The following MAP3K7 variants were observed in gnomAD, a reference collection of about 807,000 sequenced individuals.
The protein encoded by MAP3K7 is mitogen-activated protein kinase kinase kinase 7.
MAP3K7 carries 21 observed loss-of-function variants against 84.8 expected under a neutral mutation model. That is an observed-to-expected ratio of 0.25 (90% confidence interval 0.18 to 0.36). MAP3K7 has a LOEUF of 0.36. MAP3K7 is among the 10% of genes least tolerant of loss of function. The pLI is 1.00. For missense variants in MAP3K7, 503 were observed against 747.7 expected, an observed-to-expected ratio of 0.67 and a Z score of 3.82; for synonymous variants, 241 against 247.7, an observed-to-expected ratio of 0.97 and a Z score of 0.25.
intron 12 of MAP3K7, among the ~76,000 whole-genome samples, chr6:90,540,739 C>G (rs1277280637): frequency 6.6e-6 from 1 of 151,914 alleles, no homozygotes; most frequent in African/African-American, 2.4e-5. Flanking sequence ...ATTACTGATG[C>G]TACAAGCATG....
chr6:90,560,544 T>C (rs960385391), intron 4 of MAP3K7, among the ~76,000 whole-genome samples: 1 of 152,134 alleles, frequency 6.6e-6, no homozygotes, highest in African/African-American at 2.4e-5. Flanking sequence ...GTATTTTTAG[T>C]AGAGATAGGG....
chr6:90,533,773 C>G (rs576149618), intron 13 of MAP3K7, among the ~76,000 whole-genome samples: 6 of 152,270 alleles, frequency 3.9e-5, no homozygotes, highest in African/African-American at 1.4e-4. Flanking sequence ...GCTGTGACAG[C>G]CAGCCGTTGA....
At chr6:90,527,238 T>G (rs1397750116) in intron 13 of MAP3K7, among the ~76,000 whole-genome samples, 2 of 152,092 alleles carry the variant, frequency 1.3e-5, no homozygotes, top group Non-Finnish European at 2.9e-5. Flanking sequence ...TTAAATTCCA[T>G]GTATGAGAAG....
intron 6 of MAP3K7, among the ~76,000 whole-genome samples, chr6:90,554,434 C>T (rs1776273266): frequency 6.6e-6 from 1 of 152,194 alleles, no homozygotes; most frequent in African/African-American, 2.4e-5. Context: ...GTGGTTGAAT[C>T]AGCCAGCACA....
intron 2 of MAP3K7, among the ~76,000 whole-genome samples, 169 bp downstream of exon 2, chr6:90,571,528 G>C (rs1339040395): frequency 6.6e-6 from 1 of 151,970 alleles, no homozygotes; most frequent in Non-Finnish European, 1.5e-5. Flanking sequence ...TCAGAATTAA[G>C]AGTATGAACG....
chr6:90,580,256 A>G (rs1025708217), intron 1 of MAP3K7, among the ~76,000 whole-genome samples: 31 of 152,206 alleles, frequency 2.0e-4, no homozygotes, highest in African/African-American at 5.8e-4. Flanking sequence ...CATATGGTAG[A>G]TCAACAGAAA....
intron 4 of MAP3K7, 53 bp from the exon 5 acceptor site, chr6:90,560,267 C>T: frequency 1.3e-6 from 2 of 1,597,956 alleles, no homozygotes; most frequent in Non-Finnish European, 1.7e-6. Context: ...TAACAAAAGA[C>T]ACAATGTGAA....
intron 1 of MAP3K7, among the ~76,000 whole-genome samples, chr6:90,573,551 A>C (rs1246178592): frequency 6.6e-6 from 1 of 152,260 alleles, no homozygotes; most frequent in Non-Finnish European, 1.5e-5. Context: ...AAAGCTACTC[A>C]AATGGTTAAC....
intron 2 of MAP3K7, among the ~76,000 whole-genome samples, chr6:90,570,205 A>G (rs1776854617): frequency 6.6e-6 from 1 of 152,230 alleles, no homozygotes; most frequent in Non-Finnish European, 1.5e-5. Flanking sequence ...AAGAGAATGC[A>G]AAGTGCACAA....
At chr6:90,533,045 T>A (rs773760313) in intron 13 of MAP3K7, among the ~76,000 whole-genome samples, 1 of 152,186 alleles carries the variant, frequency 6.6e-6, no homozygotes, top group Non-Finnish European at 1.5e-5. Flanking sequence ...CTTAGGTCAG[T>A]TTCTCTCATC....
In MAP3K7 at chr6:90,568,467, AC is replaced by A. The variant is rs140345037; in HGVS notation, c.297+90del. 1,056 of 1,082,814 alleles carry A rather than the reference AC, an allele frequency of 9.8e-4. 8 individuals carry two copies. The African/African-American group carries it at 0.015, about 16-fold the overall frequency. The allele number at this position is 1,082,814 out of a possible 1,614,324, so 67.1% of individuals were successfully genotyped here. ...AATATTTTTGAAAAACTTAAAAAAAACAAAAAAACCCAAAAATAGCTACATA... is the reference window on the plus strand; with the variant it reads ...AATATTTTTGAAAAACTTAAAAAAAAAAAAAAACCCAAAAATAGCTACATA... On this transcript the variant is annotated intron_variant, in intron 3 of 16. Coordinates refer to ENST00000369329, the MANE Select transcript of MAP3K7 (RefSeq NM_145331.3).
In MAP3K7 at chr6:90,571,778, A is replaced by G; in HGVS notation, c.150T>C (p.Val50=). 1 of 1,604,030 alleles carries G rather than the reference A, an allele frequency of 6.2e-7. No homozygotes were observed. ...CTTTTGCTCTCCACTTAGCTTTGCA[A>G]ACAACTCCAAAGGCTCCTCTTCCAA... ...EVVGRGAFGV[V]CKAKWRAKDV... The change falls in exon 2 of 17, where the codon GTT becomes GTC. Residue 50 remains valine, a synonymous_variant. Coordinates refer to ENST00000369329, the MANE Select transcript of MAP3K7 (RefSeq NM_145331.3).
At chr6:90,521,836 C>T (rs770551205) in intron 14 of MAP3K7, among the ~76,000 whole-genome samples, 1 of 151,904 alleles carries the variant, frequency 6.6e-6, no homozygotes, top group East Asian at 1.9e-4. Context: ...CGCTTATTAT[C>T]GGCTATGATT....
chr6:90,550,846 G>A (rs1483617688), intron 8 of MAP3K7: 1 of 225,052 alleles, frequency 4.4e-6, no homozygotes, highest in African/African-American at 2.3e-5. Context: ...ACATACTCAT[G>A]TTCTTACAGT....
chr6:90,571,636 A>G (rs1776905479), intron 2 of MAP3K7, 61 bp downstream of exon 2: 2 of 962,168 alleles, frequency 2.1e-6, no homozygotes, highest in African/African-American at 3.4e-5. Flanking sequence ...TTTTCATAAT[A>G]TTAAATTCAC....
chr6:90,566,886 C>T (rs1481949110), intron 3 of MAP3K7, among the ~76,000 whole-genome samples: 1 of 152,102 alleles, frequency 6.6e-6, no homozygotes, highest in Non-Finnish European at 1.5e-5. Flanking sequence ...TGGAACAGAA[C>T]AGAGCCCTCA....
In MAP3K7 at chr6:90,518,430, C is replaced by CATAAAAA. The variant is rs780529890; in HGVS notation, c.1640+10_1640+16dup. 29 of 1,258,276 alleles carry CATAAAAA rather than the reference C, an allele frequency of 2.3e-5. No individual in the cohort carries two copies. Among genetic ancestry groups the CATAAAAA allele is most frequent in the Non-Finnish European group, 3.1e-5 (27 of 879,494 alleles). The allele number at this position is 1,258,276 out of a possible 1,614,324, so 77.9% of individuals were successfully genotyped here. ...ATACTAATGTATTTTTATTTTTATT[C>CATAAAAA]ATAAAAAATAACTTACTTTCTCTGT... On this transcript the variant is annotated intron_variant, in intron 16 of 16. Transcript: ENST00000369329.
In MAP3K7 at chr6:90,568,549, CAA is replaced by C. The variant is rs1360562194; in HGVS notation, c.297+7_297+8del. ...CTCACAGGTGACCATGAAAAAGTAA[CAA>C]ACTTACTGGATTCAAGCAGGCTCCA... On this transcript the variant is annotated splice_region_variant and intron_variant, in intron 3 of 16. Coordinates refer to ENST00000369329, the MANE Select transcript of MAP3K7 (RefSeq NM_145331.3). The C allele has an allele frequency of 6.2e-7, 1 of 1,601,928 alleles. No homozygotes were observed. Among genetic ancestry groups the C allele is most frequent in the Non-Finnish European group, 8.5e-7 (1 of 1,176,062 alleles).
At chr6:90,534,678 A>G (rs1240587549) in intron 13 of MAP3K7, among the ~76,000 whole-genome samples, 2 of 152,186 alleles carry the variant, frequency 1.3e-5, no homozygotes, top group African/African-American at 2.4e-5. Context: ...AGAAATAAGT[A>G]AGACTTGGTG....
Sources: gnomAD v4.1 joint callset for allele counts (sites outside exome capture counted in the v4.1 genomes callset) on GRCh38, gnomAD v4.1.1 for gene constraint, MANE v1.5 for transcripts, NCBI Gene and HGNC (gene_info 2026-07-23, HGNC 2026-07-21) for gene names.